Variants in SYT17 observed in about 807,000 individuals in gnomAD.
The protein encoded by SYT17 is synaptotagmin-17.
In SYT17, 22 loss-of-function variants were observed where a neutral mutation model predicts 46.7. The observed-to-expected ratio is 0.47, with a 90% CI of 0.34 to 0.67. SYT17 has a LOEUF of 0.67. SYT17 is among the 30% of genes least tolerant of loss of function. SYT17 has a pLI of 0.01. For synonymous variants in SYT17, 251 were observed against 248.4 expected, an observed-to-expected ratio of 1.01 and a Z score of -0.10; for missense variants, 519 against 612.8, an observed-to-expected ratio of 0.85 and a Z score of 1.62.
In SYT17 at chr16:19,200,495, T is replaced by G. The variant is rs563553158; in HGVS notation, c.951+16348T>G. On this transcript the variant is annotated intron_variant, in intron 5 of 7. Transcript: ENST00000355377. The stretch of plus-strand genomic sequence containing the variant: ...ATTCACAGCACATCTCAATTTGCAC[T>G]AGCCCTATTCAAGTGTGCAGCAGCC... 2.0e-5 allele frequency among the ~76,000 whole-genome samples: 3 copies of G among 152,368 alleles called. No individual in the cohort carries two copies. The South Asian group carries it at 6.2e-4, about 32-fold the overall frequency.
At chr16:19,176,874 C>G (rs1964334893) in intron 3 of SYT17, among the ~76,000 whole-genome samples, 1 of 152,164 alleles carries the variant, frequency 6.6e-6, no homozygotes, top group South Asian at 2.1e-4. Flanking sequence ...TCCACACACA[C>G]CTGTAGGATT....
chr16:19,221,724 C>A (rs1426638750), intron 5 of SYT17, among the ~76,000 whole-genome samples: 2 of 150,802 alleles, frequency 1.3e-5, no homozygotes, highest in African/African-American at 2.4e-5. Flanking sequence ...TGACTGGCAT[C>A]AAAAAAGATA....
At position 19,180,448 on chromosome 16, in the gene SYT17, C is replaced by T; in HGVS notation, c.240C>T (p.Val80=). Residue 80 remains valine (V), a synonymous_variant, in exon 4 of 8, where the codon GTC becomes GTT. Transcript: ENST00000355377. ...DGDSVHTASE[V]PLTPRTNSPD... ...ACTCTGTCCACACGGCCAGCGAAGTCCCGCTGACCCCACGGACCAATTCCC... is the reference window on the plus strand; with the variant it reads ...ACTCTGTCCACACGGCCAGCGAAGTTCCGCTGACCCCACGGACCAATTCCC... 6.2e-7 allele frequency: 1 copy of T among 1,614,174 alleles called. No individual in the cohort carries two copies. The highest frequency in any genetic ancestry group is 8.5e-7 in the Non-Finnish European group (1 of 1,180,026).
chr16:19,262,612 G>GC (rs1969061614), intron 7 of SYT17, among the ~76,000 whole-genome samples: 2 of 145,614 alleles, frequency 1.4e-5, no homozygotes, highest in African/African-American at 5.7e-5. Context: ...AATTCTCCTT[G>GC]CAAGGATGTG....
At chr16:19,238,082 A>G (rs1966872818) in intron 7 of SYT17, among the ~76,000 whole-genome samples, 1 of 152,218 alleles carries the variant, frequency 6.6e-6, no homozygotes. Context: ...CACTGTGTTA[A>G]TGGCAGATTG....
At chr16:19,233,328 A>G (rs1401629991) in intron 7 of SYT17, among the ~76,000 whole-genome samples, 1 of 152,100 alleles carries the variant, frequency 6.6e-6, no homozygotes, top group Non-Finnish European at 1.5e-5. Flanking sequence ...GAAAGACCCC[A>G]GGTCAAATGG....
intron 5 of SYT17, among the ~76,000 whole-genome samples, chr16:19,219,444 AAATAATAAT>A (rs767001468): frequency 8.2e-6 from 1 of 121,844 alleles, no homozygotes; most frequent in African/African-American, 2.8e-5. Context: ...AAAAAAAAAA[AAATAATAAT>A]AATAATAATA....
chr16:19,223,086 T>C lies in SYT17; in HGVS notation c.993T>C (p.Tyr331=). The change falls in exon 6 of 8, where the codon TAT becomes TAC. Residue 331 remains tyrosine, a synonymous_variant. Coordinates refer to ENST00000355377, the MANE Select transcript of SYT17 (RefSeq NM_016524.4). ...ELGELLLSLN[Y]LPSAGRLNVD... ...GGGAGCTGCTTCTGTCACTGAATTA[T>C]CTCCCAAGTGCTGGCAGACTGAATG... 1 of 1,614,076 alleles carries C rather than the reference T, an allele frequency of 6.2e-7. No homozygotes were observed. The highest frequency in any genetic ancestry group is 8.5e-7 in the Non-Finnish European group (1 of 1,179,968).
At chr16:19,186,771 T>G (rs1185213757) in intron 5 of SYT17, among the ~76,000 whole-genome samples, 2 of 152,240 alleles carry the variant, frequency 1.3e-5, no homozygotes, top group African/African-American at 4.8e-5. Context: ...GATATTTGTT[T>G]TCCTTCTCTT....
At chr16:19,232,873 A>G (rs1434382110) in intron 7 of SYT17, among the ~76,000 whole-genome samples, 1 of 148,772 alleles carries the variant, frequency 6.7e-6, no homozygotes, top group Non-Finnish European at 1.5e-5. Context: ...CAAACTCTCT[A>G]GCACTGGTCC....
At chr16:19,231,798 G>A (rs75194498) in intron 7 of SYT17, among the ~76,000 whole-genome samples, 130 of 152,232 alleles carry the variant, frequency 8.5e-4, no homozygotes, top group East Asian at 6.2e-3. Flanking sequence ...TTATGTATTC[G>A]ACAGAGAACC....
In SYT17 at chr16:19,168,422, G is replaced by A; in HGVS notation, c.-225G>A. ...CCTGGGCGCCCGATATCTCCGAACCGGGGAGGCGGCCCCGATTCCGAGAGC... is the reference window on the plus strand; with the variant it reads ...CCTGGGCGCCCGATATCTCCGAACCAGGGAGGCGGCCCCGATTCCGAGAGC... On this transcript the variant is annotated 5_prime_UTR_variant, in exon 1 of 8. Coordinates refer to ENST00000355377, the MANE Select transcript of SYT17 (RefSeq NM_016524.4). This position sits in a 1 kb window ranked among gnomAD's most constrained non-coding sequence, Gnocchi z 6.9. 1 of 603,398 alleles carries A rather than the reference G, an allele frequency of 1.7e-6. No homozygotes were observed. Among genetic ancestry groups the A allele is most frequent in the Non-Finnish European group, 2.8e-6 (1 of 353,686 alleles). The allele number at this position is 603,398 out of a possible 1,614,324, so 37.4% of individuals were successfully genotyped here.
intron 7 of SYT17, among the ~76,000 whole-genome samples, chr16:19,260,385 C>T (rs1030458660): frequency 7.0e-6 from 1 of 143,002 alleles, no homozygotes; most frequent in Non-Finnish European, 1.5e-5. Flanking sequence ...TGGTGTGCAC[C>T]TGTGGTCCCA....
chr16:19,237,192 T>C (rs1165617847), intron 7 of SYT17, among the ~76,000 whole-genome samples: 1 of 152,222 alleles, frequency 6.6e-6, no homozygotes, highest in Non-Finnish European at 1.5e-5. Flanking sequence ...GCTGCTTGGT[T>C]CCAAAGCCCT....
intron 5 of SYT17, among the ~76,000 whole-genome samples, chr16:19,205,593 C>T (rs1965637949): frequency 6.6e-6 from 1 of 152,146 alleles, no homozygotes; most frequent in African/African-American, 2.4e-5. Context: ...GCATGTACCA[C>T]CACACCCAGC....
chr16:19,207,889 C>A (rs1380166553), intron 5 of SYT17, among the ~76,000 whole-genome samples: 1 of 151,836 alleles, frequency 6.6e-6, no homozygotes. Flanking sequence ...CACAGTGAGA[C>A]CCCGTCTGTA....
chr16:19,172,378 T>C (rs1964130740), intron 1 of SYT17: 2 of 1,399,086 alleles, frequency 1.4e-6, no homozygotes, highest in Admixed American at 3.5e-5. Context: ...TCCTTTTGGG[T>C]TGGCTACATG....
At chr16:19,262,519 C>T (rs1969053543) in intron 7 of SYT17, among the ~76,000 whole-genome samples, 1 of 152,132 alleles carries the variant, frequency 6.6e-6, no homozygotes, top group Non-Finnish European at 1.5e-5. Context: ...AAAGAGTCCT[C>T]TTTGTCATAG....
intron 5 of SYT17, among the ~76,000 whole-genome samples, chr16:19,185,187 CT>C (rs1218599580): frequency 6.6e-6 from 1 of 152,074 alleles, no homozygotes; most frequent in Non-Finnish European, 1.5e-5. Context: ...CCCTCCTCCC[CT>C]CTTCCCTTCC....
Sources: gnomAD v4.1 joint callset for allele counts (sites outside exome capture counted in the v4.1 genomes callset) on GRCh38, gnomAD v4.1.1 for gene constraint, Gnocchi (gnomAD v3.1) non-coding constraint, MANE v1.5 for transcripts, NCBI Gene and HGNC (gene_info 2026-07-23, HGNC 2026-07-21) for gene names.